CHST9: variants seen among roughly 807,000 people sequenced by gnomAD.
The protein encoded by CHST9 is carbohydrate sulfotransferase 9.
Under a neutral mutation model 44.4 loss-of-function variants are expected in CHST9, and 41 were observed. That is an observed-to-expected ratio of 0.92 (90% CI 0.72 to 1.20). The LOEUF is 1.20. CHST9 is among the 50% of genes most tolerant of loss of function. The pLI is 0.00. For synonymous variants in CHST9, 171 were observed against 178.4 expected (o/e 0.96, Z 0.33); for missense variants, 504 against 516.5 (o/e 0.98, Z 0.23).
chr18:26,984,656 AG>A (rs1023990663), intron 4 of CHST9, among the ~76,000 whole-genome samples: 1 of 151,748 alleles, frequency 6.6e-6, no homozygotes, highest in Non-Finnish European at 1.5e-5. Context: ...TAAATCAATA[AG>A]GTAAAGTCAA....
intron 5 of CHST9, among the ~76,000 whole-genome samples, chr18:26,939,731 C>A (rs2056054029): frequency 6.6e-6 from 1 of 152,288 alleles, no homozygotes; most frequent in African/African-American, 2.4e-5. Flanking sequence ...CTTGGAACTT[C>A]ACGGGGGAAA....
At chr18:27,003,458 C>T (rs185212219) in intron 4 of CHST9, among the ~76,000 whole-genome samples, 227 of 152,258 alleles carry the variant, frequency 1.5e-3, no homozygotes, top group African/African-American at 5.0e-3. Context: ...AAATAATGGG[C>T]ATGGACCTGG....
At chr18:27,153,916 T>C (rs1053006012) in intron 1 of CHST9, among the ~76,000 whole-genome samples, 2 of 152,108 alleles carry the variant, frequency 1.3e-5, no homozygotes, top group Non-Finnish European at 2.9e-5. Flanking sequence ...TAAGAAAGCA[T>C]GTAGTTCCTG....
intron 4 of CHST9, among the ~76,000 whole-genome samples, chr18:26,997,576 T>A (rs185434348): frequency 6.6e-6 from 1 of 152,318 alleles, no homozygotes; most frequent in East Asian, 1.9e-4. Context: ...AATAATGCCA[T>A]GGGAAAGAGT....
intron 2 of CHST9, among the ~76,000 whole-genome samples, chr18:27,050,913 A>G (rs968724587): frequency 6.6e-6 from 1 of 152,230 alleles, no homozygotes; most frequent in Non-Finnish European, 1.5e-5. Flanking sequence ...AACCTATATT[A>G]GAATAAGTCA....
intron 1 of CHST9, among the ~76,000 whole-genome samples, chr18:27,153,544 CTCTG>C (rs1567940605): frequency 1.0e-5 from 1 of 95,422 alleles, no homozygotes; most frequent in Admixed American, 1.2e-4. Context: ...CTCTCTCTCT[CTCTG>C]TGTGTGTGTG....
At chr18:27,149,352 G>A (rs2058641085) in intron 1 of CHST9, among the ~76,000 whole-genome samples, 1 of 152,074 alleles carries the variant, frequency 6.6e-6, no homozygotes, top group Non-Finnish European at 1.5e-5. Context: ...CTCCATCCAT[G>A]TTTCCACAAA....
rs2055503134 is a variant in CHST9, at chr18:26,915,510, A to G, written c.*749T>C. 6.6e-6 allele frequency: 1 copy of G among 152,204 alleles called. No homozygotes were observed. The highest frequency in any genetic ancestry group is 2.4e-5 in the African/African-American group (1 of 41,452). 9.4% of individuals were successfully genotyped at this position (152,204 alleles called of 1,614,324 possible). Reference sequence around the variant, plus strand: ...TATCTGATGAGACTTAAGCTTCTCAACTGCCTGCTTCAGAAATGTAGACCT... The same window carrying G: ...TATCTGATGAGACTTAAGCTTCTCAGCTGCCTGCTTCAGAAATGTAGACCT... On this transcript the variant is annotated 3_prime_UTR_variant, in exon 6 of 6. Coordinates refer to ENST00000618847, the MANE Select transcript of CHST9 (RefSeq NM_031422.6).
intron 3 of CHST9, among the ~76,000 whole-genome samples, chr18:27,029,000 G>T (rs1349039589): frequency 6.6e-6 from 1 of 152,138 alleles, no homozygotes; most frequent in African/African-American, 2.4e-5. Flanking sequence ...CAAAACTAGT[G>T]GTGGAACTAG....
At chr18:26,990,630 T>C (rs1293581059) in intron 4 of CHST9, among the ~76,000 whole-genome samples, 3 of 152,202 alleles carry the variant, frequency 2.0e-5, no homozygotes, top group East Asian at 1.9e-4. Flanking sequence ...TAGCATGCTG[T>C]AGTAATTTAG....
intron 1 of CHST9, among the ~76,000 whole-genome samples, chr18:27,167,275 G>C (rs982198107): frequency 1.3e-5 from 2 of 152,176 alleles, no homozygotes; most frequent in Non-Finnish European, 2.9e-5. Context: ...ATTTAAAGTG[G>C]AAAACTCTTA....
intron 4 of CHST9, among the ~76,000 whole-genome samples, chr18:27,012,690 G>A (rs1254538362): frequency 6.6e-6 from 1 of 152,154 alleles, no homozygotes; most frequent in Non-Finnish European, 1.5e-5. Context: ...GTTCAGCAAG[G>A]TAGAACAAGT....
chr18:26,916,821 T>G lies in CHST9; in HGVS notation c.770A>C (p.Lys257Thr), dbSNP rs767466371. ...CCCTTTTAGGTCAAAGCTATCTAGC[T>G]TCTTCAAATGCTTCCCGTAGTGGAC... is the stretch of plus-strand genomic sequence containing the variant. Reference protein sequence around the residue: ...NAVHYGKHLKKLDSFDLKGIY... With the variant: ...NAVHYGKHLKTLDSFDLKGIY... The change falls in exon 6 of 6, where the codon AAG becomes ACG. Residue 257 changes from lysine to threonine, a missense_variant. Transcript: ENST00000618847. The G allele has an allele frequency of 6.2e-7, 1 of 1,613,944 alleles. No homozygotes were observed. Among genetic ancestry groups the G allele is most frequent in the South Asian group, 1.1e-5 (1 of 91,082 alleles).
At chr18:27,123,240 A>T (rs2058390427) in intron 2 of CHST9, among the ~76,000 whole-genome samples, 1 of 152,148 alleles carries the variant, frequency 6.6e-6, no homozygotes, top group Non-Finnish European at 1.5e-5. Flanking sequence ...TATGAGATGG[A>T]GCTAAGCTGA....
At chr18:27,016,247 A>G (rs1025655) in intron 4 of CHST9, among the ~76,000 whole-genome samples, 97,393 of 152,098 alleles carry the variant, frequency 0.64, 31,796 homozygotes, top group African/African-American at 0.76. Context: ...CCCTGAGCAT[A>G]ACCAGCATGC....
In CHST9 at chr18:27,048,493, C is replaced by A. The variant is rs1568148628; in HGVS notation, c.132G>T (p.Glu44Asp). 1.9e-6 allele frequency: 3 copies of A among 1,606,488 alleles called. No individual in the cohort carries two copies. The highest frequency in any genetic ancestry group is 1.7e-5 in the Admixed American group (1 of 59,192). ...AAGTTACTTTTTGTTCTCTTCTCTT[C>A]TCCACTCTCCCTGAAATGAGAAGTG... ...WIEEQHTGRV[E>D]KRREQKVTSG... The change falls in exon 3 of 6, where the codon GAG (glutamate) becomes GAT (aspartate). Residue 44 changes from glutamate to aspartate, a missense_variant. Physicochemically the swap from Glu to Asp is conservative, Grantham distance 45 (BLOSUM62 2). Coordinates refer to ENST00000618847, the MANE Select transcript of CHST9 (RefSeq NM_031422.6).
chr18:26,981,182 G>T (rs557258832), intron 4 of CHST9, among the ~76,000 whole-genome samples: 26 of 152,246 alleles, frequency 1.7e-4, no homozygotes, highest in African/African-American at 6.0e-4. Context: ...CATGTTAAAG[G>T]CTTTTGACTT....
intron 2 of CHST9, among the ~76,000 whole-genome samples, chr18:27,075,246 G>A (rs551504832): frequency 2.0e-4 from 30 of 150,058 alleles, no homozygotes; most frequent in African/African-American, 7.3e-4. Context: ...TATTTGTCAC[G>A]CTCAGTTTAC....
At position 27,183,268 on chromosome 18, in the gene CHST9, G is replaced by C. The variant is rs186577900; in HGVS notation, c.-97+1868C>G. The stretch of plus-strand genomic sequence containing the variant: ...GCCAAACACAACAGTTACTGAACTT[G>C]AGTCAACATTGGATACCATTACAGC... On this transcript the variant is annotated intron_variant, in intron 1 of 5. Transcript: ENST00000618847. Among the ~76,000 whole-genome samples the C allele has an allele frequency of 3.2e-3, 495 of 152,326 alleles. 2 individuals carry two copies. Among genetic ancestry groups the C allele is most frequent in the Non-Finnish European group, 4.3e-3 (295 of 68,030 alleles).
Sources: gnomAD v4.1 joint callset for allele counts (sites outside exome capture counted in the v4.1 genomes callset) on GRCh38, gnomAD v4.1.1 for gene constraint, MANE v1.5 for transcripts, NCBI Gene and HGNC (gene_info 2026-07-23, HGNC 2026-07-21) for gene names.